Variants in GALC observed in about 807,000 individuals in gnomAD.
The protein encoded by GALC is galactosylceramidase.
A neutral mutation model predicts 91.8 loss-of-function variants in GALC; 77 were observed. The observed-to-expected ratio is 0.84, with a 90% CI of 0.70 to 1.01. The LOEUF (loss-of-function observed/expected upper bound fraction) is 1.01. GALC is among the 50% of genes least tolerant of loss of function. The pLI, the probability that GALC is intolerant of heterozygous loss-of-function variation, is 0.00. For missense variants in GALC, 882 were observed against 855.9 expected, an observed-to-expected ratio of 1.03 and a Z score of -0.38; for synonymous variants, 357 against 306.7, an observed-to-expected ratio of 1.16 and a Z score of -1.71.
At chr14:87,955,026 T>TG (rs1171883801) in intron 10 of GALC, 100 of 1,362,736 alleles carry the variant, frequency 7.3e-5, no homozygotes, top group Admixed American at 7.2e-4. Flanking sequence ...AGATCACCTA[T>TG]GGGATGGTCA....
At chr14:87,943,064 C>T (rs956531866) in intron 14 of GALC, among the ~76,000 whole-genome samples, 7 of 152,002 alleles carry the variant, frequency 4.6e-5, no homozygotes, top group African/African-American at 1.4e-4. Flanking sequence ...TTTCTATATA[C>T]CACATTCCAG....
chr14:87,950,479 G>A (rs1026316582), intron 11 of GALC, among the ~76,000 whole-genome samples, 180 bp downstream of exon 11: 3 of 151,596 alleles, frequency 2.0e-5, no homozygotes, highest in African/African-American at 7.3e-5. Flanking sequence ...ACCTCCTACT[G>A]GCTTCTGTCC....
chr14:87,962,864 C>A (rs1007954594), intron 10 of GALC, among the ~76,000 whole-genome samples: 12 of 151,662 alleles, frequency 7.9e-5, no homozygotes, highest in African/African-American at 2.9e-4. Flanking sequence ...GTTTTTTCAC[C>A]TTCATTCTTT....
chr14:87,974,994 G>C (rs914586272), intron 7 of GALC, among the ~76,000 whole-genome samples: 1 of 151,900 alleles, frequency 6.6e-6, no homozygotes, highest in African/African-American at 2.4e-5. Flanking sequence ...ACACAACTTT[G>C]TTTTCCTTCA....
chr14:87,969,224 G>A (rs1027201099), intron 7 of GALC, among the ~76,000 whole-genome samples: 4 of 152,082 alleles, frequency 2.6e-5, no homozygotes, highest in Non-Finnish European at 5.9e-5. Flanking sequence ...AGGGATATTT[G>A]CTACTAGCAT....
At chr14:87,952,412 TA>T (rs954493344) in intron 10 of GALC, 19 of 419,138 alleles carry the variant, frequency 4.5e-5, no homozygotes, top group Middle Eastern at 6.7e-4. Flanking sequence ...AATGTTGTTC[TA>T]AAAAATAATG....
intron 7 of GALC, among the ~76,000 whole-genome samples, chr14:87,970,013 C>T (rs1886219858): frequency 6.6e-6 from 1 of 152,178 alleles, no homozygotes; most frequent in African/African-American, 2.4e-5. Context: ...TAGCATCTAA[C>T]AGGGTTAAGC....
chr14:87,971,131 G>A (rs956442950), intron 7 of GALC, among the ~76,000 whole-genome samples: 3 of 152,046 alleles, frequency 2.0e-5, no homozygotes, highest in African/African-American at 4.8e-5. Context: ...AAACCAAACT[G>A]ACCAACCAGA....
At chr14:87,936,544 C>G (rs1031359325) in intron 16 of GALC, among the ~76,000 whole-genome samples, 1 of 151,834 alleles carries the variant, frequency 6.6e-6, no homozygotes, top group Non-Finnish European at 1.5e-5. Flanking sequence ...TGGCCCTTTA[C>G]AGAAAAAGTT....
chr14:87,962,578 TACACACACACACAC>T lies in GALC; in HGVS notation c.1161+792_1161+805del, dbSNP rs36205603. Among the ~76,000 whole-genome samples, 1,116 of 146,508 alleles carry T rather than the reference TACACACACACACAC, an allele frequency of 7.6e-3. 6 individuals are homozygous for T. The highest frequency in any genetic ancestry group is 0.018 in the South Asian group (81 of 4,414). The stretch of plus-strand genomic sequence containing the variant: ...GGCTGACATTCAGAACCTGATATGA[TACACACACACACAC>T]ACACACACACACACACACACACACA... On this transcript the variant is annotated intron_variant, in intron 10 of 16. Coordinates refer to ENST00000261304, the MANE Select transcript of GALC (RefSeq NM_000153.4).
intron 1 of GALC, chr14:87,992,439 C>A (rs1482495761): frequency 6.5e-7 from 1 of 1,535,254 alleles, no homozygotes; most frequent in Admixed American, 2.0e-5. Flanking sequence ...CGGCGCTACC[C>A]TCTCTGGAGG....
At chr14:87,953,425 C>G (rs1448220028) in intron 10 of GALC, 42 of 1,486,542 alleles carry the variant, frequency 2.8e-5, no homozygotes, top group Middle Eastern at 2.4e-4. Flanking sequence ...TTCTCTTGAA[C>G]ATTTTAGTCC....
At chr14:87,969,461 T>C (rs550054430) in intron 7 of GALC, among the ~76,000 whole-genome samples, 106 of 152,316 alleles carry the variant, frequency 7.0e-4, no homozygotes, top group African/African-American at 2.5e-3. Context: ...ATAATGATGA[T>C]TGTGGAAGAC....
intron 14 of GALC, among the ~76,000 whole-genome samples, chr14:87,943,470 T>G (rs1284985316): frequency 6.6e-6 from 1 of 152,026 alleles, no homozygotes. Context: ...GCACTACAGA[T>G]AAACTAAACA....
chr14:87,976,637 C>T (rs1886505258), intron 6 of GALC, 149 bp from the exon 7 acceptor site: 3 of 711,476 alleles, frequency 4.2e-6, no homozygotes, highest in South Asian at 1.7e-5. Context: ...TTTTCTCAGA[C>T]AGAGGCTTCT....
chr14:87,967,363 A>G (rs1886100212), intron 8 of GALC, among the ~76,000 whole-genome samples: 1 of 152,138 alleles, frequency 6.6e-6, no homozygotes, highest in African/African-American at 2.4e-5. Context: ...AGTTTTCTAA[A>G]TTCTCTGCCA....
In GALC at chr14:87,992,714, G is replaced by A. The variant is rs759861413; in HGVS notation, c.195+256C>T. On this transcript the variant is annotated intron_variant, in intron 1 of 16. Transcript: ENST00000261304. Reference sequence around the variant, plus strand: ...ACTTAGACCTGTCACTTTACTCTCTGCACCTATACTCTCTGGACCTCCGGA... The same window carrying A: ...ACTTAGACCTGTCACTTTACTCTCTACACCTATACTCTCTGGACCTCCGGA... 8 of 1,430,580 alleles carry A rather than the reference G, an allele frequency of 5.6e-6. No homozygotes were observed. The South Asian group carries it at 1.1e-4, about 19-fold the overall frequency. 88.6% of individuals were successfully genotyped at this position (1,430,580 alleles called of 1,614,324 possible).
intron 5 of GALC, among the ~76,000 whole-genome samples, chr14:87,983,525 C>G (rs188944391): frequency 6.6e-6 from 1 of 152,150 alleles, no homozygotes; most frequent in Non-Finnish European, 1.5e-5. Flanking sequence ...CTTAGTAGCC[C>G]TCAAATATTA....
chr14:87,960,942 C>G (rs1176079770), intron 10 of GALC, among the ~76,000 whole-genome samples: 7 of 151,958 alleles, frequency 4.6e-5, no homozygotes, highest in Non-Finnish European at 1.5e-5. Flanking sequence ...ACCAAAAGCA[C>G]AAGAAACAAA....
Sources: allele counts gnomAD v4.1 joint callset (sites outside exome capture counted in the v4.1 genomes callset), GRCh38; gene constraint gnomAD v4.1.1; transcripts MANE v1.5; gene names NCBI Gene and HGNC (gene_info 2026-07-23, HGNC 2026-07-21).